The following MCF2L variants were observed in gnomAD, a reference collection of about 807,000 sequenced individuals.
The protein encoded by MCF2L is MCF.2 cell line derived transforming sequence like.
A neutral mutation model predicts 153.4 loss-of-function variants in MCF2L; 97 were observed. The ratio of observed to expected loss-of-function variants is 0.63; its 90% CI spans 0.54 to 0.75. The LOEUF is 0.75. Among genes scored for constraint, MCF2L ranks in the 30% least tolerant of loss-of-function variants. The pLI, the probability that MCF2L is intolerant of heterozygous loss-of-function variation, is 0.00. For synonymous variants in MCF2L, 659 were observed against 632.2 expected, an observed-to-expected ratio of 1.04 and a Z score of -0.64; for missense variants, 1,347 against 1,495.2, an observed-to-expected ratio of 0.90 and a Z score of 1.64.
In MCF2L at chr13:113,064,661, C is replaced by T. The variant is rs962550852; in HGVS notation, c.606+241C>T. On this transcript the variant is annotated intron_variant, in intron 6 of 29. Coordinates refer to ENST00000535094, the MANE Select transcript of MCF2L (RefSeq NM_001112732.3). This position sits in a 1 kb window ranked among gnomAD's most constrained non-coding sequence, Gnocchi z 6.0. ...ACCAAAAAAAAAAAAAAAACCCTTG[C>T]GTTGTGGTTTGCAACACTCACTGCT... 10 of 576,060 alleles carry T rather than the reference C, an allele frequency of 1.7e-5. No individual in the cohort carries two copies. Among genetic ancestry groups the T allele is most frequent in the Admixed American group, 9.1e-5 (3 of 32,932 alleles). The allele number at this position is 576,060 out of a possible 1,614,324, so 35.7% of individuals were successfully genotyped here.
At chr13:113,010,880 G>A (rs1192435104) in intron 1 of MCF2L, among the ~76,000 whole-genome samples, 1 of 152,208 alleles carries the variant, frequency 6.6e-6, no homozygotes, top group African/African-American at 2.4e-5. Flanking sequence ...TCGCCTGCCT[G>A]CATCTCCTCT....
intron 2 of MCF2L, among the ~76,000 whole-genome samples, chr13:112,920,152 G>A (rs2081337739): frequency 6.6e-6 from 1 of 152,206 alleles, no homozygotes; most frequent in African/African-American, 2.4e-5. Context: ...AGAGAATCTG[G>A]CAGACAAGCC....
intron 1 of MCF2L, among the ~76,000 whole-genome samples, chr13:113,006,235 G>T (rs553040113): frequency 8.9e-4 from 136 of 152,364 alleles, no homozygotes; most frequent in South Asian, 5.0e-3. Context: ...GGTCCCAGGC[G>T]CTGGAGCAGA....
At chr13:112,909,134 C>T in intron 2 of MCF2L, 1 of 746,006 alleles carries the variant, frequency 1.3e-6, no homozygotes, top group South Asian at 1.4e-5. Context: ...CTCCCTCCTG[C>T]TTGCCTCATC....
intron 8 of MCF2L, among the ~76,000 whole-genome samples, chr13:113,067,289 G>A (rs1489787789): frequency 4.3e-5 from 6 of 140,080 alleles, no homozygotes; most frequent in East Asian, 2.3e-4. Context: ...GGCAGAGGTC[G>A]CAGTGAGCCG....
intron 2 of MCF2L, chr13:112,910,264 C>A (rs2081217374): frequency 6.6e-6 from 1 of 152,216 alleles, no homozygotes; most frequent in Non-Finnish European, 1.5e-5. Context: ...TGGAAAACAA[C>A]TGATGTCAGT....
At chr13:113,039,178 T>C (rs550839457) in intron 3 of MCF2L, among the ~76,000 whole-genome samples, 1 of 152,324 alleles carries the variant, frequency 6.6e-6, no homozygotes, top group African/African-American at 2.4e-5. Context: ...TCTTGATTTA[T>C]TTCTTAAGTG....
At chr13:112,900,985 A>G (rs1218250138) in intron 1 of MCF2L, among the ~76,000 whole-genome samples, 1 of 151,922 alleles carries the variant, frequency 6.6e-6, no homozygotes, top group Non-Finnish European at 1.5e-5. Flanking sequence ...CTGAGCAGGG[A>G]TTTCAGGTTG....
At chr13:113,025,540 G>GCA in intron 3 of MCF2L, among the ~76,000 whole-genome samples, 1 of 86,192 alleles carries the variant, frequency 1.2e-5, no homozygotes, top group Non-Finnish European at 2.4e-5. Flanking sequence ...GGGTCCCCGT[G>GCA]ACTGTGGGTT....
intron 1 of MCF2L, among the ~76,000 whole-genome samples, chr13:113,000,098 C>T (rs2083299135): frequency 6.6e-6 from 1 of 152,162 alleles, no homozygotes; most frequent in Non-Finnish European, 1.5e-5. Context: ...GGCCATGATG[C>T]CGTGGCCTCC....
rs1168810429 is a variant in MCF2L, at chr13:112,932,433, G to A, written c.169+30062G>A. 2.0e-5 allele frequency among the ~76,000 whole-genome samples: 3 copies of A among 152,198 alleles called. No individual in the cohort carries two copies. The highest frequency in any genetic ancestry group is 2.0e-4 in the Admixed American group (3 of 15,280). On this transcript the variant is annotated intron_variant, in intron 2 of 29. Coordinates refer to the MCF2L transcript ENST00000375608. The surrounding 1 kb of genome is among the most constrained non-coding windows in gnomAD (Gnocchi z 4.6). ...AGGAGCTGAAGGAGACAGGATGACTGAATCCTAGAACAGAAGAATATATTA... is the reference window on the plus strand; with the variant it reads ...AGGAGCTGAAGGAGACAGGATGACTAAATCCTAGAACAGAAGAATATATTA...
intron 2 of MCF2L, among the ~76,000 whole-genome samples, chr13:112,933,576 C>T (rs969329553): frequency 9.9e-5 from 15 of 152,174 alleles, no homozygotes; most frequent in Admixed American, 2.6e-4. Context: ...TCTGGGATTT[C>T]GGTATTTTTC....
At chr13:113,071,522 T>C (rs1193137065) in intron 9 of MCF2L, among the ~76,000 whole-genome samples, 1 of 152,236 alleles carries the variant, frequency 6.6e-6, no homozygotes, top group African/African-American at 2.4e-5. Flanking sequence ...TACATTGAAG[T>C]CTATGACCTA....
chr13:112,906,814 C>CT (rs1207517490), intron 2 of MCF2L, among the ~76,000 whole-genome samples: 1 of 152,220 alleles, frequency 6.6e-6, no homozygotes, highest in Non-Finnish European at 1.5e-5. Context: ...TCTAGGGTGG[C>CT]TTGTGGGGCC....
Position 113,024,399 on chromosome 13 carries a change from C to CA in MCF2L, c.164-244dup, listed in dbSNP as rs575629809. Among the ~76,000 whole-genome samples, 7 of 152,328 alleles carry CA rather than the reference C, an allele frequency of 4.6e-5. No homozygotes were observed. The East Asian group carries it at 1.3e-3, about 29-fold the overall frequency. On this transcript the variant is annotated intron_variant, in intron 2 of 29. Transcript: ENST00000535094. ...CTTGGAAAGAAGCATGTTGAATTGT[C>CA]ACGGTAGCTGTCCCATGGTGGCCAA...
At chr13:112,956,945 G>C (rs2081765231) in intron 2 of MCF2L, 1 of 152,132 alleles carries the variant, frequency 6.6e-6, no homozygotes, top group Non-Finnish European at 1.5e-5. Context: ...ACCCAGATCT[G>C]GTCACATTCT....
At position 113,096,865 on chromosome 13, in the gene MCF2L, C is replaced by T. The variant is rs2142160473; in HGVS notation, c.*6C>T. 7.7e-6 allele frequency: 11 copies of T among 1,421,620 alleles called. No homozygotes were observed. The highest frequency in any genetic ancestry group is 3.0e-5 in the African/African-American group (2 of 66,770). 88.1% of individuals were successfully genotyped at this position (1,421,620 alleles called of 1,614,324 possible). A position where few individuals can be genotyped will look rare whatever the true frequency, so the allele number is the denominator to read the frequency against. ...TCTCCGACCTGCAGGGGTAGCGCGG[C>T]CTCGGCGCCGGAGACCCGCGCGCTG... On this transcript the variant is annotated 3_prime_UTR_variant, in exon 30 of 30. Coordinates refer to ENST00000535094, the MANE Select transcript of MCF2L (RefSeq NM_001112732.3).
chr13:113,025,249 TCCC>T (rs760753213), intron 3 of MCF2L, among the ~76,000 whole-genome samples: 8 of 107,930 alleles, frequency 7.4e-5, no homozygotes, highest in African/African-American at 1.1e-4. Context: ...CTGTGAGATT[TCCC>T]CGTCATGGGG....
chr13:113,025,388 C>T (rs112891277), intron 3 of MCF2L, among the ~76,000 whole-genome samples: 1 of 30,662 alleles, frequency 3.3e-5, no homozygotes, highest in Non-Finnish European at 6.1e-5. Flanking sequence ...GACTGTGGGT[C>T]GGGGCAGAGT....
Sources: allele counts gnomAD v4.1 joint callset (sites outside exome capture counted in the v4.1 genomes callset), GRCh38; gene constraint gnomAD v4.1.1; non-coding constraint Gnocchi (gnomAD v3.1); transcripts MANE v1.5; gene names NCBI Gene and HGNC (gene_info 2026-07-23, HGNC 2026-07-21).